Variants in TIMMDC1 observed in about 807,000 individuals in gnomAD.
TIMMDC1 encodes complex I assembly factor TIMMDC1, mitochondrial.
In TIMMDC1, 25 loss-of-function variants were observed where a neutral mutation model predicts 32.6. That is an observed-to-expected ratio of 0.77 (90% CI 0.56 to 1.07). The LOEUF (loss-of-function observed/expected upper bound fraction) is 1.07. Ranked by LOEUF, TIMMDC1 falls within the 50% of genes least tolerant of loss-of-function variation. The probability of loss-of-function intolerance (pLI) is 0.00; values close to 1 mark genes in which losing one functional copy is unlikely to be tolerated. For synonymous variants in TIMMDC1, 130 were observed against 127.6 expected, an observed-to-expected ratio of 1.02 and a Z score of -0.13; for missense variants, 329 against 349.2, an observed-to-expected ratio of 0.94 and a Z score of 0.46.
At chr3:119,499,085 T>C in intron 1 of TIMMDC1, 158 bp downstream of exon 1, 1 of 605,946 alleles carries the variant, frequency 1.7e-6, no homozygotes, top group Non-Finnish European at 2.7e-6. Flanking sequence ...TTGTATCTTT[T>C]TTCTTTCTTT....
intron 2 of TIMMDC1, among the ~76,000 whole-genome samples, chr3:119,502,055 G>A (rs1452851877): frequency 6.6e-6 from 1 of 151,920 alleles, no homozygotes; most frequent in East Asian, 1.9e-4. Flanking sequence ...TTTTTCCTTG[G>A]TAATTTATAA....
chr3:119,502,798 T>G (rs1375751709), intron 2 of TIMMDC1, among the ~76,000 whole-genome samples: 4 of 152,082 alleles, frequency 2.6e-5, no homozygotes, highest in African/African-American at 9.7e-5. Context: ...TCGGCTCAAG[T>G]GATCCTCCCT....
Position 119,498,720 on chromosome 3 carries a change from G to A in TIMMDC1, c.-14G>A, listed in dbSNP as rs2081842914. 6.2e-7 allele frequency: 1 copy of A among 1,613,540 alleles called. No individual in the cohort carries two copies. Among genetic ancestry groups the A allele is most frequent in the Non-Finnish European group, 8.5e-7 (1 of 1,179,730 alleles). ...CCTGAGCGCTCAAGTTTGTCCGTAGGTCGAGAGAAGGCCATGGAGGTGCCG... is the reference window on the plus strand; with the variant it reads ...CCTGAGCGCTCAAGTTTGTCCGTAGATCGAGAGAAGGCCATGGAGGTGCCG... On this transcript the variant is annotated 5_prime_UTR_variant, in exon 1 of 7. Transcript: ENST00000494664.
intron 4 of TIMMDC1, among the ~76,000 whole-genome samples, chr3:119,509,779 G>A (rs958114569): frequency 2.7e-5 from 4 of 150,876 alleles, no homozygotes; most frequent in South Asian, 2.1e-4. Flanking sequence ...TCCACCTTCC[G>A]GGTTCAAGGG....
intron 4 of TIMMDC1, among the ~76,000 whole-genome samples, chr3:119,509,199 C>T (rs2081937635): frequency 6.6e-6 from 1 of 151,810 alleles, no homozygotes; most frequent in Non-Finnish European, 1.5e-5. Context: ...GAGTGAGACT[C>T]CATCTCAAAA....
chr3:119,500,921 T>TA (rs2081869947), intron 2 of TIMMDC1, 61 bp downstream of exon 2: 1 of 1,517,834 alleles, frequency 6.6e-7, no homozygotes, highest in African/African-American at 1.4e-5. Context: ...ACTTTACACT[T>TA]AATCATTCAA....
At chr3:119,521,190 C>T (rs187726440) in intron 6 of TIMMDC1, among the ~76,000 whole-genome samples, 1 of 152,204 alleles carries the variant, frequency 6.6e-6, no homozygotes, top group East Asian at 1.9e-4. Flanking sequence ...TAGGAATGCC[C>T]ACTCTTACCA....
chr3:119,512,131 T>C (rs1224104610), intron 4 of TIMMDC1, among the ~76,000 whole-genome samples: 1 of 152,172 alleles, frequency 6.6e-6, no homozygotes, highest in African/African-American at 2.4e-5. Flanking sequence ...TATCTATAAA[T>C]AGAAAATCTA....
Position 119,517,256 on chromosome 3 carries a change from T to G in TIMMDC1, c.648T>G (p.Thr216=), listed in dbSNP as rs754536579. The G allele has an allele frequency of 1.7e-5, 27 of 1,613,910 alleles. No individual in the cohort carries two copies. The highest frequency in any genetic ancestry group is 2.1e-5 in the Non-Finnish European group (25 of 1,179,846). ...LMAFQKYSGE[T]VQERKQKDRK... ...CATTTCAGAAGTACTCTGGTGAGACTGTTCAGGAAAGAAAACAGAAGGATC... is the reference window on the plus strand; with the variant it reads ...CATTTCAGAAGTACTCTGGTGAGACGGTTCAGGAAAGAAAACAGAAGGATC... The change falls in exon 6 of 7, where the codon ACT becomes ACG. Residue 216 remains threonine, a synonymous_variant. Coordinates refer to ENST00000494664, the MANE Select transcript of TIMMDC1 (RefSeq NM_016589.4).
At chr3:119,520,882 A>G (rs531185188) in intron 6 of TIMMDC1, among the ~76,000 whole-genome samples, 2 of 152,332 alleles carry the variant, frequency 1.3e-5, no homozygotes, top group Admixed American at 1.3e-4. Context: ...AAAAGATTAT[A>G]CATCATGAAC....
intron 5 of TIMMDC1, among the ~76,000 whole-genome samples, chr3:119,516,399 TTATC>T (rs1264321105): frequency 6.6e-6 from 1 of 152,216 alleles, no homozygotes. Context: ...TCCTTGAAGT[TTATC>T]TATGTTGTAA....
intron 6 of TIMMDC1, among the ~76,000 whole-genome samples, chr3:119,519,812 G>A (rs952407847): frequency 6.6e-6 from 1 of 151,948 alleles, no homozygotes; most frequent in African/African-American, 2.4e-5. Flanking sequence ...CAAAATACAC[G>A]TTTTTCTTAT....
intron 2 of TIMMDC1, among the ~76,000 whole-genome samples, chr3:119,502,758 G>A (rs1054373484): frequency 1.3e-5 from 2 of 151,252 alleles, no homozygotes; most frequent in South Asian, 2.1e-4. Flanking sequence ...GCAGGATCTC[G>A]CTATGTTGCC....
rs916333232 is a variant in TIMMDC1 at position 119,498,857 on chromosome 3, C to T, written c.124C>T (p.Leu42Phe). 13 of 1,614,116 alleles carry T rather than the reference C, an allele frequency of 8.1e-6. No homozygotes were observed. The highest frequency in any genetic ancestry group is 1.1e-5 in the Non-Finnish European group (13 of 1,180,022). ...AGTCCTTGAGGAGCGTCAGAAGCGG[C>T]TTCCCTACGTCCCAGAGCCCTATTA... is the stretch of plus-strand genomic sequence containing the variant. Reference protein sequence around the residue: ...SEVLEERQKRLPYVPEPYYPE... With the variant: ...SEVLEERQKRFPYVPEPYYPE... The change falls in exon 1 of 7, where the codon CTT (leucine) becomes TTT (phenylalanine). Residue 42 changes from leucine (L) to phenylalanine (F), a missense_variant. Coordinates refer to ENST00000494664, the MANE Select transcript of TIMMDC1 (RefSeq NM_016589.4).
intron 4 of TIMMDC1, among the ~76,000 whole-genome samples, chr3:119,507,426 C>T (rs2081925123): frequency 6.6e-6 from 1 of 152,154 alleles, no homozygotes; most frequent in Non-Finnish European, 1.5e-5. Context: ...CAGCTGTGTC[C>T]AGTCTACTAT....
At chr3:119,520,390 A>T (rs553425364) in intron 6 of TIMMDC1, among the ~76,000 whole-genome samples, 2 of 152,126 alleles carry the variant, frequency 1.3e-5, no homozygotes, top group African/African-American at 4.8e-5. Flanking sequence ...AAGGTAAAAA[A>T]CAAAAAAGGA....
intron 5 of TIMMDC1, among the ~76,000 whole-genome samples, chr3:119,516,373 A>G (rs2081985523): frequency 6.6e-6 from 1 of 152,186 alleles, no homozygotes; most frequent in African/African-American, 2.4e-5. Context: ...TAGCTTATTT[A>G]CTTAGCATAA....
At chr3:119,520,254 T>C (rs1437149593) in intron 6 of TIMMDC1, among the ~76,000 whole-genome samples, 4 of 151,316 alleles carry the variant, frequency 2.6e-5, no homozygotes, top group South Asian at 4.2e-4. Context: ...AATAAAAAGA[T>C]CAGAGCAGAG....
At chr3:119,521,382 C>A (rs112192917) in intron 6 of TIMMDC1, among the ~76,000 whole-genome samples, 42 of 152,238 alleles carry the variant, frequency 2.8e-4, no homozygotes, top group African/African-American at 9.9e-4. Flanking sequence ...TGGTGAAACC[C>A]CATTTCTACT....
Sources: allele counts gnomAD v4.1 joint callset (sites outside exome capture counted in the v4.1 genomes callset), GRCh38; gene constraint gnomAD v4.1.1; transcripts MANE v1.5; gene names NCBI Gene and HGNC (gene_info 2026-07-23, HGNC 2026-07-21).